The following CLVS1 variants were observed in gnomAD, a reference collection of about 807,000 sequenced individuals.
The protein encoded by CLVS1 is clavesin-1.
A neutral mutation model predicts 33.1 loss-of-function variants in CLVS1; 10 were observed. The ratio of observed to expected loss-of-function variants is 0.30; its 90% CI spans 0.19 to 0.51. The LOEUF (loss-of-function observed/expected upper bound fraction) is 0.51, where lower values mean the gene tolerates loss of function less well. CLVS1 is among the 20% of genes least tolerant of loss of function. CLVS1 has a pLI of 0.97. For missense variants in CLVS1, 343 were observed against 433.4 expected, an observed-to-expected ratio of 0.79 and a Z score of 1.85; for synonymous variants, 163 against 166.1, an observed-to-expected ratio of 0.98 and a Z score of 0.14.
intron 1 of CLVS1, among the ~76,000 whole-genome samples, chr8:61,124,619 C>G (rs535564048): frequency 3.9e-5 from 6 of 152,262 alleles, no homozygotes; most frequent in African/African-American, 1.4e-4. Flanking sequence ...GACTTTGGTA[C>G]TTACTGGCTT....
At chr8:61,396,152 A>G (rs1814520650) in intron 3 of CLVS1, among the ~76,000 whole-genome samples, 1 of 152,064 alleles carries the variant, frequency 6.6e-6, no homozygotes, top group Non-Finnish European at 1.5e-5. Flanking sequence ...TTGATTTGGG[A>G]CTTCATTAGT....
chr8:61,394,074 C>G (rs111653314), intron 3 of CLVS1, among the ~76,000 whole-genome samples: 1 of 152,154 alleles, frequency 6.6e-6, no homozygotes, highest in Non-Finnish European at 1.5e-5. Flanking sequence ...TAGCCTGGCA[C>G]GGTGGCTCAC....
intron 2 of CLVS1, among the ~76,000 whole-genome samples, chr8:61,254,939 G>T (rs1023364511): frequency 1.3e-5 from 2 of 152,182 alleles, no homozygotes; most frequent in African/African-American, 2.4e-5. Flanking sequence ...ACAATCCCCA[G>T]TGAGATGCAC....
intron 2 of CLVS1, among the ~76,000 whole-genome samples, chr8:61,163,110 G>A (rs897369020): frequency 2.0e-5 from 3 of 152,154 alleles, no homozygotes; most frequent in Non-Finnish European, 4.4e-5. Flanking sequence ...TCATAGGTTG[G>A]TGAGTCTGTG....
intron 2 of CLVS1, among the ~76,000 whole-genome samples, chr8:61,368,614 TCTAG>T (rs1407927206): frequency 6.6e-6 from 1 of 152,216 alleles, no homozygotes; most frequent in African/African-American, 2.4e-5. Flanking sequence ...TTGCAATGAC[TCTAG>T]CTGTTTTTAT....
chr8:61,346,758 C>G (rs1812235623), intron 2 of CLVS1, among the ~76,000 whole-genome samples: 1 of 152,170 alleles, frequency 6.6e-6, no homozygotes, highest in South Asian at 2.1e-4. Context: ...GGGTTTCCAT[C>G]TAATGGCAGA....
intron 3 of CLVS1, among the ~76,000 whole-genome samples, chr8:61,393,618 T>G (rs972547202): frequency 6.6e-6 from 1 of 152,194 alleles, no homozygotes; most frequent in African/African-American, 2.4e-5. Flanking sequence ...TTGTGCCCTT[T>G]CATTTCCCCT....
the CLVS1 span, among the ~76,000 whole-genome samples, chr8:61,034,517 C>T: frequency 3.3e-5 from 5 of 152,012 alleles, no homozygotes; most frequent in African/African-American, 7.2e-5. Flanking sequence ...ACCATTTGAC[C>T]AACAACTCCC....
At chr8:61,089,464 G>C (rs1176821463) in intron 1 of CLVS1, among the ~76,000 whole-genome samples, 2 of 152,142 alleles carry the variant, frequency 1.3e-5, no homozygotes, top group African/African-American at 4.8e-5. Flanking sequence ...ACATGCTGGA[G>C]TCTCTACCTG....
intron 3 of CLVS1, among the ~76,000 whole-genome samples, chr8:61,434,947 A>G (rs1280334437): frequency 6.6e-6 from 1 of 152,230 alleles, no homozygotes; most frequent in African/African-American, 2.4e-5. Flanking sequence ...TGGCAAGGAA[A>G]TATATTTTGG....
At chr8:61,096,641 T>C (rs1055320625) in intron 1 of CLVS1, among the ~76,000 whole-genome samples, 1 of 152,088 alleles carries the variant, frequency 6.6e-6, no homozygotes, top group Non-Finnish European at 1.5e-5. Flanking sequence ...ATTCAGTTTT[T>C]CCCCCCTCTT....
At chr8:60,991,207 CA>C in the CLVS1 span, among the ~76,000 whole-genome samples, 1 of 150,086 alleles carries the variant, frequency 6.7e-6, no homozygotes, top group Admixed American at 6.6e-5. Flanking sequence ...AGAGCTAGCA[CA>C]AAAAAAAATT....
In CLVS1 at chr8:61,273,314, T is replaced by G. The variant is rs954756203; in HGVS notation, c.-151-26363T>G. Among the ~76,000 whole-genome samples the G allele has an allele frequency of 7.7e-3, 1,168 of 152,050 alleles. 14 individuals are homozygous for G. Among genetic ancestry groups the G allele is most frequent in the African/African-American group, 0.026 (1,074 of 41,460 alleles). ...CAGTTAGGTTGCTCGGGGGTCAGGG[T>G]TCAGGGACCCACTTGAGGAGGCAGT... is the stretch of plus-strand genomic sequence containing the variant. On this transcript the variant is annotated intron_variant, in intron 2 of 2. Coordinates refer to the CLVS1 transcript ENST00000522621.
At chr8:61,005,104 C>T in the CLVS1 span, among the ~76,000 whole-genome samples, 2 of 152,132 alleles carry the variant, frequency 1.3e-5, no homozygotes, top group Non-Finnish European at 2.9e-5. Flanking sequence ...GAAAACTGCC[C>T]GATAGGGGCA....
At chr8:61,204,641 C>T (rs1807803297) in intron 2 of CLVS1, among the ~76,000 whole-genome samples, 1 of 152,120 alleles carries the variant, frequency 6.6e-6, no homozygotes, top group Non-Finnish European at 1.5e-5. Flanking sequence ...TTTCATAGAA[C>T]AAAATAAATG....
intron 1 of CLVS1, among the ~76,000 whole-genome samples, chr8:61,292,684 A>G (rs1379389301): frequency 1.3e-5 from 2 of 152,154 alleles, no homozygotes; most frequent in African/African-American, 4.8e-5. Flanking sequence ...TAGCCTACGA[A>G]ACATTCCAGT....
intron 2 of CLVS1, among the ~76,000 whole-genome samples, chr8:61,176,302 G>T (rs772976034): frequency 6.6e-6 from 1 of 152,096 alleles, no homozygotes; most frequent in Non-Finnish European, 1.5e-5. Flanking sequence ...AGACATCCCA[G>T]TCATTCCACC....
At chr8:61,204,234 C>G (rs1480338779) in intron 2 of CLVS1, among the ~76,000 whole-genome samples, 1 of 152,128 alleles carries the variant, frequency 6.6e-6, no homozygotes, top group Non-Finnish European at 1.5e-5. Flanking sequence ...TATTGACAGA[C>G]AATGAGAAAA....
intron 5 of CLVS1, among the ~76,000 whole-genome samples, chr8:61,460,333 A>G (rs28638163): frequency 0.016 from 2,466 of 152,288 alleles, 57 homozygotes; most frequent in African/African-American, 0.056. Context: ...CCTAAGTTCC[A>G]TCAAGTTCAA....
Sources: allele counts gnomAD v4.1 joint callset (sites outside exome capture counted in the v4.1 genomes callset), GRCh38; gene constraint gnomAD v4.1.1; transcripts MANE v1.5; gene names NCBI Gene and HGNC (gene_info 2026-07-23, HGNC 2026-07-21).